Variants in CNOT1 observed in about 807,000 individuals in gnomAD.
CNOT1 encodes CCR4-associated factor 1.
CNOT1 carries 15 observed loss-of-function variants against 273.8 expected under a neutral mutation model. The ratio of observed to expected loss-of-function variants is 0.05; its 90% CI spans 0.04 to 0.08. The LOEUF (loss-of-function observed/expected upper bound fraction) is 0.08, where lower values mean the gene tolerates loss of function less well. Among genes scored for constraint, CNOT1 ranks in the 10% least tolerant of loss-of-function variants. The pLI, the probability that CNOT1 is intolerant of heterozygous loss-of-function variation, is 1.00. For synonymous variants in CNOT1, 1,022 were observed against 1,005.5 expected, an observed-to-expected ratio of 1.02 and a Z score of -0.31; for missense variants, 1,644 against 2,912.2, an observed-to-expected ratio of 0.56 and a Z score of 10.02.
At chr16:58,539,666 A>G in intron 35 of CNOT1, 102 bp downstream of exon 35, 1 of 1,199,014 alleles carries the variant, frequency 8.3e-7, no homozygotes. Context: ...GATTTATATT[A>G]TGAAATCTTA....
At chr16:58,574,303 T>C (rs1200069588) in intron 16 of CNOT1, among the ~76,000 whole-genome samples, 3 of 151,810 alleles carry the variant, frequency 2.0e-5, no homozygotes, top group Non-Finnish European at 4.4e-5. Context: ...AACTAACCCA[T>C]GCACTATGGG....
chr16:58,580,696 T>C lies in CNOT1; in HGVS notation c.1280A>G (p.His427Arg), dbSNP rs1474760737. 6.2e-7 allele frequency: 1 copy of C among 1,613,622 alleles called. No homozygotes were observed. The highest frequency in any genetic ancestry group is 1.3e-5 in the African/African-American group (1 of 75,036). The change falls in exon 12 of 49, where the codon CAT becomes CGT. Residue 427 changes from histidine (H) to arginine (R), a missense_variant. By Grantham distance (29) the His-to-Arg change is conservative (BLOSUM62 0). Coordinates refer to ENST00000317147, the MANE Select transcript of CNOT1 (RefSeq NM_016284.5). ...TTTCAGAATATCAGTGGCAACAGTA[T>C]GACAGGGATAGTCAGCAAAACAGAA... Reference protein sequence around the residue: ...EIFCFADYPCHTVATDILKAP... With the variant: ...EIFCFADYPCRTVATDILKAP...
At chr16:58,551,505 T>A in intron 23 of CNOT1, 84 bp downstream of exon 23, 1 of 1,442,754 alleles carries the variant, frequency 6.9e-7, no homozygotes, top group Non-Finnish European at 9.6e-7. Context: ...GCATGTGTTA[T>A]GATAAAATTC....
chr16:58,551,690 C>G lies in CNOT1; in HGVS notation c.3100G>C (p.Gly1034Arg), dbSNP rs979268641. Residue 1034 changes from glycine (G) to arginine (R), a missense_variant, in exon 23 of 49, where the codon GGT becomes CGT. Gly to Arg is a moderately radical substitution (Grantham distance 125, BLOSUM62 -2). This residue lies in a region of CNOT1 where 77 missense variants were observed against 90.5 expected (regional missense o/e 0.85). Transcript: ENST00000317147. ...AQVPAKAPLA[G>R]QVSTMVTTST... is the part of the protein sequence containing the mutation. ...GTGGTTACCATAGTGCTAACTTGAC[C>G]AGCAAGAGGAGCTTTTGCTGGAACC... 36 of 1,614,178 alleles carry G rather than the reference C, an allele frequency of 2.2e-5. No individual in the cohort carries two copies. Among genetic ancestry groups the G allele is most frequent in the Non-Finnish European group, 2.9e-5 (34 of 1,180,026 alleles).
intron 1 of CNOT1, among the ~76,000 whole-genome samples, chr16:58,627,613 T>A (rs540101627): frequency 6.6e-6 from 1 of 151,730 alleles, no homozygotes; most frequent in African/African-American, 2.4e-5. Flanking sequence ...TGACAACATC[T>A]ATGTTAAAGA....
At position 58,547,511 on chromosome 16, in the gene CNOT1, TGTAATC is replaced by T; in HGVS notation, c.3639+49_3639+54del. ...TAAATAGCTCCAAACAGCCAATACT[TGTAATC>T]ATAATGTGCTGAAGATTCTCAATTT... is the stretch of plus-strand genomic sequence containing the variant. On this transcript the variant is annotated intron_variant, in intron 26 of 48. Transcript: ENST00000317147. The surrounding 1 kb of genome is among the most constrained non-coding windows in gnomAD (Gnocchi z 4.0). 6.4e-7 allele frequency: 1 copy of T among 1,563,630 alleles called. No individual in the cohort carries two copies. The highest frequency in any genetic ancestry group is 8.7e-7 in the Non-Finnish European group (1 of 1,153,804).
Position 58,553,825 on chromosome 16 carries a change from G to A in CNOT1, c.2927C>T (p.Ala976Val). The A allele has an allele frequency of 6.2e-7, 1 of 1,611,736 alleles. No homozygotes were observed. Among genetic ancestry groups the A allele is most frequent in the Non-Finnish European group, 8.5e-7 (1 of 1,179,410 alleles). ...KDYPQYCQHLASISHFMQFPH... is the reference protein window; with the variant it reads ...KDYPQYCQHLVSISHFMQFPH... Reference sequence around the variant, plus strand: ...AAATTGCATAAAGTGACTGATAGAAGCCAAATGCTGACAATACTGGGGATA... The same window carrying A: ...AAATTGCATAAAGTGACTGATAGAAACCAAATGCTGACAATACTGGGGATA... The change falls in exon 22 of 49, where the codon GCT becomes GTT. Residue 976 changes from alanine to valine, a missense_variant. Coordinates refer to ENST00000317147, the MANE Select transcript of CNOT1 (RefSeq NM_016284.5).
At chr16:58,559,744 G>A (rs2040764658) in intron 17 of CNOT1, 8 of 481,198 alleles carry the variant, frequency 1.7e-5, no homozygotes, top group African/African-American at 5.9e-5. Flanking sequence ...AAATAGAAGC[G>A]CAATATGTTG....
chr16:58,555,541 G>A lies in CNOT1; in HGVS notation c.2605-4C>T. 6.2e-7 allele frequency: 1 copy of A among 1,609,312 alleles called. No individual in the cohort carries two copies. The highest frequency in any genetic ancestry group is 8.5e-7 in the Non-Finnish European group (1 of 1,178,516). The stretch of plus-strand genomic sequence containing the variant: ...ATCTCTGCAGCATTTCTAATACCTG[G>A]AAAAGCAAGACAAAAACAACGCACA... On this transcript the variant is annotated splice_region_variant and splice_polypyrimidine_tract_variant and intron_variant, in intron 20 of 48. Coordinates refer to ENST00000317147, the MANE Select transcript of CNOT1 (RefSeq NM_016284.5).
intron 1 of CNOT1, among the ~76,000 whole-genome samples, chr16:58,599,888 A>C (rs2042400670): frequency 6.6e-6 from 1 of 151,688 alleles, no homozygotes. Flanking sequence ...ACATGGTGAA[A>C]CCCGTCTCTA....
intron 40 of CNOT1, 101 bp from the exon 41 acceptor site, chr16:58,532,496 A>G (rs2039801818): frequency 2.0e-6 from 3 of 1,501,250 alleles, no homozygotes; most frequent in Admixed American, 4.4e-5. Flanking sequence ...CCCAACATTA[A>G]AGGAAAGCAT....
At chr16:58,618,521 T>G (rs1057112558) in intron 1 of CNOT1, among the ~76,000 whole-genome samples, 7 of 151,874 alleles carry the variant, frequency 4.6e-5, no homozygotes, top group African/African-American at 1.7e-4. Flanking sequence ...AGGCAGATGT[T>G]GCAGCGAGCT....
At position 58,536,400 on chromosome 16, in the gene CNOT1, G is replaced by A. The variant is rs538664972; in HGVS notation, c.5646+589C>T. Among the ~76,000 whole-genome samples, 61 of 152,276 alleles carry A rather than the reference G, an allele frequency of 4.0e-4. 1 individual carries two copies. The highest frequency in any genetic ancestry group is 1.4e-3 in the African/African-American group (57 of 41,544). ...CTAAATGGTACTATGGCTCGGTTCC[G>A]ACATTTTTCCTGTTCATCCTATTCA... On this transcript the variant is annotated intron_variant, in intron 39 of 48. Coordinates refer to ENST00000317147, the MANE Select transcript of CNOT1 (RefSeq NM_016284.5).
chr16:58,577,475 A>AT (rs2041497679), intron 13 of CNOT1, among the ~76,000 whole-genome samples: 1 of 152,210 alleles, frequency 6.6e-6, no homozygotes, highest in South Asian at 2.1e-4. Context: ...TAAGGCTAAC[A>AT]TTTTTCACTT....
chr16:58,583,531 G>T (rs751231978), intron 8 of CNOT1, among the ~76,000 whole-genome samples: 1 of 152,132 alleles, frequency 6.6e-6, no homozygotes, highest in Non-Finnish European at 1.5e-5. Flanking sequence ...TCAGTCTGTG[G>T]CCTGTTAGAA....
chr16:58,560,385 A>C (rs749850194), intron 16 of CNOT1, 23 bp from the exon 17 acceptor site: 136 of 1,611,080 alleles, frequency 8.4e-5, no homozygotes, highest in Non-Finnish European at 8.7e-5. Context: ...GGAAAAGGTA[A>C]AAAATATCAG....
rs556131126 is a variant in CNOT1 at position 58,629,053 on chromosome 16, A to G, written c.-175+675T>C. Among the ~76,000 whole-genome samples the G allele has an allele frequency of 4.6e-5, 7 of 152,374 alleles. No homozygotes were observed. The East Asian group carries it at 9.6e-4, about 21-fold the overall frequency. The stretch of plus-strand genomic sequence containing the variant: ...CACCGGACCGAGTAGGTGGGGGCCA[A>G]CTTCAAAGAAAGTGTGAGCGCCCAG... On this transcript the variant is annotated intron_variant, in intron 1 of 48. Transcript: ENST00000317147.
chr16:58,554,719 C>G (rs866673517), intron 21 of CNOT1, among the ~76,000 whole-genome samples: 1 of 151,810 alleles, frequency 6.6e-6, no homozygotes, highest in Non-Finnish European at 1.5e-5. Flanking sequence ...GTGGATCACC[C>G]GAGGTCAGGA....
chr16:58,607,230 A>G (rs2042712288), intron 1 of CNOT1, among the ~76,000 whole-genome samples: 1 of 152,204 alleles, frequency 6.6e-6, no homozygotes, highest in Non-Finnish European at 1.5e-5. Context: ...TATGGATAGT[A>G]TTATTTACCG....
Sources: gnomAD v4.1 joint callset for allele counts (sites outside exome capture counted in the v4.1 genomes callset) on GRCh38, gnomAD v4.1.1 for gene constraint, gnomAD v4.1.1 regional missense constraint, Gnocchi (gnomAD v3.1) non-coding constraint, MANE v1.5 for transcripts, NCBI Gene and HGNC (gene_info 2026-07-23, HGNC 2026-07-21) for gene names.